PTGER4: variants seen among roughly 807,000 people sequenced by gnomAD.
The protein encoded by PTGER4 is prostaglandin E receptor 4.
PTGER4 carries 11 observed loss-of-function variants against 33.2 expected under a neutral mutation model. The ratio of observed to expected loss-of-function variants is 0.33; its 90% CI spans 0.21 to 0.55. The LOEUF is 0.55. Among genes scored for constraint, PTGER4 ranks in the 20% least tolerant of loss-of-function variants. The pLI is 0.92. For missense variants in PTGER4, 481 were observed against 650.2 expected, an observed-to-expected ratio of 0.74 and a Z score of 2.83; for synonymous variants, 275 against 281.5, an observed-to-expected ratio of 0.98 and a Z score of 0.23.
the PTGER4 span, among the ~76,000 whole-genome samples, chr5:40,740,339 G>GT: frequency 6.6e-6 from 1 of 151,458 alleles, no homozygotes; most frequent in African/African-American, 2.4e-5. Flanking sequence ...AGGCCTACTG[G>GT]TAATGGGTTA....
At chr5:40,732,937 G>T in the PTGER4 span, among the ~76,000 whole-genome samples, 3 of 151,960 alleles carry the variant, frequency 2.0e-5, no homozygotes, top group Non-Finnish European at 2.9e-5. Flanking sequence ...TACCTCATTT[G>T]TCCTACCTTC....
downstream of PTGER4, among the ~76,000 whole-genome samples, chr5:40,696,988 G>GAGAA (rs1403785944): frequency 7.0e-5 from 10 of 142,600 alleles, no homozygotes; most frequent in African/African-American, 2.6e-4. Flanking sequence ...GAGAAAGAGA[G>GAGAA]AAAGAGAAAG....
At chr5:40,697,286 GAA>G (rs1445785843), downstream of PTGER4, among the ~76,000 whole-genome samples, 1 of 131,086 alleles carries the variant, frequency 7.6e-6, no homozygotes, top group African/African-American at 2.6e-5. Flanking sequence ...AAGAAAGAAA[GAA>G]AGAAAGAAAA....
rs45549737 is a variant in PTGER4 at position 40,687,733 on chromosome 5, TG to T, written c.868-4045del. The stretch of plus-strand genomic sequence containing the variant: ...TTTCAATCTAACCAACTTTTGAGGA[TG>T]TTTTTACCTGAATTTGGACTTTTGC... On this transcript the variant is annotated intron_variant, in intron 2 of 2. Coordinates refer to ENST00000302472, the MANE Select transcript of PTGER4 (RefSeq NM_000958.3). Among the ~76,000 whole-genome samples the T allele has an allele frequency of 6.8e-3, 1,032 of 152,342 alleles. 8 individuals are homozygous for T. The highest frequency in any genetic ancestry group is 0.022 in the African/African-American group (926 of 41,570).
the PTGER4 span, among the ~76,000 whole-genome samples, chr5:40,722,546 T>G: frequency 2.0e-5 from 3 of 151,456 alleles, no homozygotes; most frequent in Non-Finnish European, 4.4e-5. Flanking sequence ...GGAGCGCCTC[T>G]GCCTGGCCGC....
chr5:40,697,692 TAA>T (rs879480592), downstream of PTGER4, among the ~76,000 whole-genome samples: 1 of 58,214 alleles, frequency 1.7e-5, no homozygotes, highest in Admixed American at 2.0e-4. Flanking sequence ...GAAAAATTAG[TAA>T]AAATATACAT....
the PTGER4 span, among the ~76,000 whole-genome samples, chr5:40,721,504 G>A: frequency 1.3e-5 from 2 of 152,142 alleles, no homozygotes; most frequent in Non-Finnish European, 2.9e-5. Context: ...TACATAATGA[G>A]AAAAGTCTAG....
At chr5:40,725,783 G>GC in the PTGER4 span, among the ~76,000 whole-genome samples, 2 of 138,860 alleles carry the variant, frequency 1.4e-5, no homozygotes, top group African/African-American at 5.3e-5. Flanking sequence ...ATTCTCTTCA[G>GC]CTTTTTTTTT....
downstream of PTGER4, chr5:40,696,721 G>A (rs187406056): frequency 1.0e-6 from 1 of 981,348 alleles, no homozygotes; most frequent in East Asian, 1.1e-4. Context: ...TCCTAAGAAC[G>A]TTTAACCACA....
In PTGER4 at chr5:40,681,420, G is replaced by A; in HGVS notation, c.427G>A (p.Val143Ile). 1 of 1,614,018 alleles carries A rather than the reference G, an allele frequency of 6.2e-7. No homozygotes were observed. Among genetic ancestry groups the A allele is most frequent in the Non-Finnish European group, 8.5e-7 (1 of 1,180,048 alleles). ...KRLAGLTLFA[V>I]YASNVLFCAL... ...ATTGGCGGGCCTCACGCTCTTTGCA[G>A]TCTATGCGTCCAACGTGCTCTTTTG... The change falls in exon 2 of 3, where the codon GTC becomes ATC. Residue 143 changes from valine (V) to isoleucine (I), a missense_variant. Physicochemically the swap from Val to Ile is conservative, Grantham distance 29 (BLOSUM62 3). Coordinates refer to ENST00000302472, the MANE Select transcript of PTGER4 (RefSeq NM_000958.3). The surrounding 1 kb of genome is among the most constrained non-coding windows in gnomAD (Gnocchi z 9.8).
the PTGER4 span, among the ~76,000 whole-genome samples, chr5:40,712,144 T>C: frequency 1.3e-5 from 2 of 152,130 alleles, no homozygotes; most frequent in Non-Finnish European, 2.9e-5. Flanking sequence ...CCCTTCCAAT[T>C]CAATCTAGAG....
chr5:40,683,760 TAAGA>T lies in PTGER4; in HGVS notation c.867+1901_867+1904del. 6.6e-6 allele frequency among the ~76,000 whole-genome samples: 1 copy of T among 152,308 alleles called. No individual in the cohort carries two copies. Among genetic ancestry groups the T allele is most frequent in the East Asian group, 1.9e-4 (1 of 5,186 alleles). On this transcript the variant is annotated intron_variant, in intron 2 of 2. Coordinates refer to ENST00000302472, the MANE Select transcript of PTGER4 (RefSeq NM_000958.3). The surrounding 1 kb of genome is among the most constrained non-coding windows in gnomAD (Gnocchi z 4.2). ...TAGGCTGAAGTGGTAGACCTGGACCTAAGATTCAGGGCCCTTACACAAAGCCTTG... is the reference window on the plus strand; with the variant it reads ...TAGGCTGAAGTGGTAGACCTGGACCTTTCAGGGCCCTTACACAAAGCCTTG...
the PTGER4 span, among the ~76,000 whole-genome samples, chr5:40,745,803 T>C: frequency 2.0e-5 from 3 of 151,802 alleles, no homozygotes; most frequent in African/African-American, 4.8e-5. Flanking sequence ...GGCAAGATCA[T>C]AGCTCACCGC....
chr5:40,722,058 A>C, the PTGER4 span, among the ~76,000 whole-genome samples: 2 of 152,204 alleles, frequency 1.3e-5, no homozygotes, highest in East Asian at 3.9e-4. Flanking sequence ...AATGCAAATC[A>C]AAACCACCAT....
the PTGER4 span, among the ~76,000 whole-genome samples, chr5:40,723,527 A>T: frequency 3.5e-4 from 50 of 141,618 alleles, no homozygotes; most frequent in African/African-American, 1.3e-3. Flanking sequence ...AAAAAAAAAA[A>T]AGAAATATCA....
At position 40,681,498 on chromosome 5, in the gene PTGER4, T is replaced by A. The variant is rs1453462999; in HGVS notation, c.505T>A (p.Trp169Arg). ...CTCGCGGCTGCAGTACCCAGACACC[T>A]GGTGCTTCATCGACTGGACCACCAA... is the stretch of plus-strand genomic sequence containing the variant. ...GSSRLQYPDT[W>R]CFIDWTTNVT... The change falls in exon 2 of 3, where the codon TGG (tryptophan) becomes AGG (arginine). Residue 169 changes from tryptophan to arginine, a missense_variant. Coordinates refer to ENST00000302472, the MANE Select transcript of PTGER4 (RefSeq NM_000958.3). The surrounding 1 kb of genome is among the most constrained non-coding windows in gnomAD (Gnocchi z 9.8). The A allele has an allele frequency of 6.2e-7, 1 of 1,613,396 alleles. No individual in the cohort carries two copies. Among genetic ancestry groups the A allele is most frequent in the Non-Finnish European group, 8.5e-7 (1 of 1,180,038 alleles).
the PTGER4 span, among the ~76,000 whole-genome samples, chr5:40,705,127 A>G: frequency 6.6e-6 from 1 of 152,242 alleles, no homozygotes; most frequent in Admixed American, 6.5e-5. Flanking sequence ...AAAAACAGGC[A>G]CATAGAACAA....
In PTGER4 at chr5:40,692,580, T is replaced by C; in HGVS notation, c.*202T>C. On this transcript the variant is annotated 3_prime_UTR_variant, in exon 3 of 3. Transcript: ENST00000302472. ...CTGAGGCCTGCAGCACGTCGGATGC[T>C]ACCCCACTATGACAGAGGATTGTGG... 1 of 1,358,042 alleles carries C rather than the reference T, an allele frequency of 7.4e-7. No homozygotes were observed. The highest frequency in any genetic ancestry group is 9.5e-7 in the Non-Finnish European group (1 of 1,056,220). 84.1% of individuals were successfully genotyped at this position (1,358,042 alleles called of 1,614,324 possible).
At chr5:40,689,420 A>G (rs1441005156) in intron 2 of PTGER4, among the ~76,000 whole-genome samples, 1 of 152,218 alleles carries the variant, frequency 6.6e-6, no homozygotes, top group Non-Finnish European at 1.5e-5. Context: ...AATGAAATGT[A>G]TTTCTTCGAA....
Sources: gnomAD v4.1 joint callset for allele counts (sites outside exome capture counted in the v4.1 genomes callset) on GRCh38, gnomAD v4.1.1 for gene constraint, Gnocchi (gnomAD v3.1) non-coding constraint, MANE v1.5 for transcripts, NCBI Gene and HGNC (gene_info 2026-07-23, HGNC 2026-07-21) for gene names.